Variants in ZZZ3 observed in about 807,000 individuals in gnomAD.
ZZZ3 encodes ZZ-type zinc finger-containing protein 3.
ZZZ3 carries 22 observed loss-of-function variants against 95.2 expected under a neutral mutation model. The observed-to-expected ratio is 0.23, with a 90% confidence interval of 0.17 to 0.33. The LOEUF is 0.33. ZZZ3 is among the 10% of genes least tolerant of loss of function. The pLI is 1.00. For missense variants in ZZZ3, 885 were observed against 1,066.5 expected, an observed-to-expected ratio of 0.83 and a Z score of 2.37; for synonymous variants, 335 against 358.9, an observed-to-expected ratio of 0.93 and a Z score of 0.75.
At chr1:77,566,889 G>A (rs533477238) in intron 13 of ZZZ3, among the ~76,000 whole-genome samples, 1 of 152,244 alleles carries the variant, frequency 6.6e-6, no homozygotes, top group Non-Finnish European at 1.5e-5. Context: ...TGATCATCTG[G>A]TCAACTATAG....
chr1:77,659,548 G>T (rs997616583), intron 1 of ZZZ3, among the ~76,000 whole-genome samples: 10 of 151,570 alleles, frequency 6.6e-5, no homozygotes, highest in African/African-American at 2.2e-4. Context: ...TTAGCCAGGC[G>T]TGGGGGCACG....
chr1:77,659,421 T>C (rs1002174673), intron 1 of ZZZ3, among the ~76,000 whole-genome samples: 11 of 152,058 alleles, frequency 7.2e-5, no homozygotes, highest in African/African-American at 1.9e-4. Flanking sequence ...CTCAGCACTT[T>C]GGGAGGCCAA....
chr1:77,682,724 GACCCA>G (rs1672905479), upstream of ZZZ3: 1 of 152,186 alleles, frequency 6.6e-6, no homozygotes, highest in Admixed American at 6.5e-5. Flanking sequence ...GCTTCCACTA[GACCCA>G]ACATGGCGGT....
rs891386047 is a variant in ZZZ3, at chr1:77,564,426, A to G, written c.*1214T>C. ...ATATGTGAAGCAAACCATTTTAAAA[A>G]ATACCAATTTCTGGTTTTAACACTG... On this transcript the variant is annotated 3_prime_UTR_variant, in exon 15 of 15. Transcript: ENST00000370801. The G allele has an allele frequency of 1.3e-5, 2 of 152,496 alleles. No individual in the cohort carries two copies. Among genetic ancestry groups the G allele is most frequent in the Admixed American group, 1.3e-4 (2 of 15,282 alleles). The allele number at this position is 152,496 out of a possible 1,614,324, so 9.4% of individuals were successfully genotyped here. A position where few individuals can be genotyped will look rare whatever the true frequency, so the allele number is the denominator to read the frequency against.
intron 5 of ZZZ3, among the ~76,000 whole-genome samples, chr1:77,613,812 T>C (rs1666044937): frequency 6.6e-6 from 1 of 152,168 alleles, no homozygotes; most frequent in Admixed American, 6.5e-5. Context: ...CTATGTCGAA[T>C]ATATATTAAA....
chr1:77,667,756 G>C (rs551575850), intron 1 of ZZZ3, among the ~76,000 whole-genome samples: 23 of 147,238 alleles, frequency 1.6e-4, no homozygotes, highest in African/African-American at 5.6e-4. Flanking sequence ...TTAGTTAAAT[G>C]GGTATTCTTT....
At chr1:77,568,571 T>A in intron 12 of ZZZ3, 105 bp from the exon 13 acceptor site, 1 of 641,644 alleles carries the variant, frequency 1.6e-6, no homozygotes, top group South Asian at 2.7e-5. Flanking sequence ...TTTTCATTTT[T>A]AAAATATCTC....
At chr1:77,619,970 C>G (rs1666688422) in intron 5 of ZZZ3, among the ~76,000 whole-genome samples, 1 of 152,032 alleles carries the variant, frequency 6.6e-6, no homozygotes, top group Admixed American at 6.5e-5. Context: ...ATTTCACCAC[C>G]GATACATCAA....
At chr1:77,667,055 C>T (rs867476704) in intron 1 of ZZZ3, among the ~76,000 whole-genome samples, 1 of 152,178 alleles carries the variant, frequency 6.6e-6, no homozygotes, top group African/African-American at 2.4e-5. Context: ...AATTACTAGG[C>T]TATTAATCAA....
At chr1:77,670,726 G>A (rs1454429270) in intron 1 of ZZZ3, among the ~76,000 whole-genome samples, 1 of 151,140 alleles carries the variant, frequency 6.6e-6, no homozygotes, top group Non-Finnish European at 1.5e-5. Context: ...AGTAGTAGTA[G>A]TGTTTGTTCT....
At chr1:77,580,781 G>A (rs181204628) in intron 9 of ZZZ3, 20 of 430,516 alleles carry the variant, frequency 4.6e-5, no homozygotes, top group African/African-American at 3.2e-4. Context: ...ATATGCACAC[G>A]CCATCACACC....
At chr1:77,605,240 G>T (rs1227395331) in intron 5 of ZZZ3, among the ~76,000 whole-genome samples, 1 of 152,072 alleles carries the variant, frequency 6.6e-6, no homozygotes, top group Non-Finnish European at 1.5e-5. Context: ...TGAGAGAGAG[G>T]GCACTCATCA....
intron 5 of ZZZ3, among the ~76,000 whole-genome samples, chr1:77,626,715 C>G (rs1321302269): frequency 6.6e-6 from 1 of 152,176 alleles, no homozygotes; most frequent in Non-Finnish European, 1.5e-5. Context: ...GGCTATTATT[C>G]TACAGCCTTT....
In ZZZ3 at chr1:77,633,187, A is replaced by G; in HGVS notation, c.168T>C (p.Pro56=). The change falls in exon 5 of 15, where the codon CCT becomes CCC. Residue 56 remains proline (P), a synonymous_variant. Transcript: ENST00000370801. ...RSRSPKKRPE[P]VPIQKGNNNG... ...TATTATTTCCTTTCTGAATTGGCAC[A>G]GGCTCTGGTCTCTTCTTTGGTGATC... 3 of 1,614,120 alleles carry G rather than the reference A, an allele frequency of 1.9e-6. No individual in the cohort carries two copies. Among genetic ancestry groups the G allele is most frequent in the Non-Finnish European group, 2.5e-6 (3 of 1,180,002 alleles).
chr1:77,590,548 A>G (rs1351759686), intron 5 of ZZZ3, among the ~76,000 whole-genome samples: 1 of 152,236 alleles, frequency 6.6e-6, no homozygotes, highest in Non-Finnish European at 1.5e-5. Flanking sequence ...AATATTTACT[A>G]TCTGGTCCTT....
intron 5 of ZZZ3, among the ~76,000 whole-genome samples, chr1:77,620,968 T>C (rs1666796391): frequency 6.6e-6 from 1 of 152,196 alleles, no homozygotes; most frequent in Non-Finnish European, 1.5e-5. Context: ...AATACACTAA[T>C]TATAACTACA....
intron 1 of ZZZ3, among the ~76,000 whole-genome samples, chr1:77,667,507 C>T (rs1409486603): frequency 1.3e-5 from 2 of 152,056 alleles, no homozygotes; most frequent in African/African-American, 4.8e-5. Flanking sequence ...ATTGACTAGT[C>T]CTTTTTATTG....
intron 1 of ZZZ3, among the ~76,000 whole-genome samples, chr1:77,644,088 G>A (rs1011867839): frequency 5.3e-5 from 8 of 150,150 alleles, no homozygotes; most frequent in Non-Finnish European, 7.4e-5. Flanking sequence ...TTTTTGAGAC[G>A]GCGTTTTGCT....
rs771294028 is a variant in ZZZ3 at position 77,579,560 on chromosome 1, T to A, written c.2049A>T (p.Ile683=). 3.1e-6 allele frequency: 5 copies of A among 1,591,596 alleles called. No homozygotes were observed. Among genetic ancestry groups the A allele is most frequent in the Non-Finnish European group, 4.3e-6 (5 of 1,170,994 alleles). Residue 683 remains isoleucine (I), a synonymous_variant, in exon 10 of 15, where the codon ATA becomes ATT. Coordinates refer to ENST00000370801, the MANE Select transcript of ZZZ3 (RefSeq NM_015534.6). ...CTGTCCTGTTGCCCAATTCATCTGC[T>A]ATCTTCTGCCAGCGTCGAGATTCTA... ...EEVESRRWQK[I]ADELGNRTAK...
Sources: gnomAD v4.1 joint callset for allele counts (sites outside exome capture counted in the v4.1 genomes callset) on GRCh38, gnomAD v4.1.1 for gene constraint, MANE v1.5 for transcripts, NCBI Gene and HGNC (gene_info 2026-07-23, HGNC 2026-07-21) for gene names.